The following EPB41L3 variants were observed in gnomAD, a reference collection of about 807,000 sequenced individuals.
EPB41L3 encodes the protein erythrocyte membrane protein band 4.1 like 3.
A neutral mutation model predicts 127.1 loss-of-function variants in EPB41L3; 57 were observed. The observed-to-expected ratio is 0.45, with a 90% CI of 0.36 to 0.56. The LOEUF is 0.56. Among genes scored for constraint, EPB41L3 ranks in the 20% least tolerant of loss-of-function variants. EPB41L3 has a pLI of 0.00. For missense variants in EPB41L3, 1,273 were observed against 1,372.2 expected, an observed-to-expected ratio of 0.93 and a Z score of 1.14; for synonymous variants, 572 against 549.5, an observed-to-expected ratio of 1.04 and a Z score of -0.57.
At chr18:5,524,417 A>G (rs1349896866) in intron 1 of EPB41L3, among the ~76,000 whole-genome samples, 1 of 151,888 alleles carries the variant, frequency 6.6e-6, no homozygotes, top group African/African-American at 2.4e-5. Context: ...CTGGTCTCGA[A>G]CTCCTGACCT....
chr18:5,544,970 A>T (rs2093851329), upstream of EPB41L3, among the ~76,000 whole-genome samples: 1 of 152,154 alleles, frequency 6.6e-6, no homozygotes, highest in South Asian at 2.1e-4. Context: ...AATTTTTAAA[A>T]TAAATTGTAT....
At chr18:5,412,319 T>C (rs986544068) in intron 13 of EPB41L3, among the ~76,000 whole-genome samples, 1 of 152,004 alleles carries the variant, frequency 6.6e-6, no homozygotes, top group African/African-American at 2.4e-5. Flanking sequence ...CACCTCAGCC[T>C]CCCTAGTGGG....
intron 14 of EPB41L3, among the ~76,000 whole-genome samples, chr18:5,408,386 G>T (rs2144098793): frequency 6.7e-6 from 1 of 149,080 alleles, no homozygotes; most frequent in African/African-American, 2.5e-5. Context: ...CAATTCTCCT[G>T]CCTCAGCCTC....
intron 1 of EPB41L3, among the ~76,000 whole-genome samples, chr18:5,529,777 G>A (rs2093350947): frequency 6.6e-6 from 1 of 151,956 alleles, no homozygotes; most frequent in Non-Finnish European, 1.5e-5. Context: ...CTTCCTATCT[G>A]GAGGATTCTG....
intron 3 of EPB41L3, among the ~76,000 whole-genome samples, chr18:5,581,602 T>C (rs2094394248): frequency 1.3e-5 from 2 of 152,170 alleles, no homozygotes; most frequent in Non-Finnish European, 1.5e-5. Context: ...GGGGAAAAGG[T>C]GAATGTGAGC....
rs115603406 is a variant in EPB41L3 at position 5,538,995 on chromosome 18, A to T, written c.-12+4918T>A. Among the ~76,000 whole-genome samples, 165 of 115,192 alleles carry T rather than the reference A, an allele frequency of 1.4e-3. 5 individuals carry two copies. In the Middle Eastern group the frequency reaches 0.016, roughly 11 times the overall value. The allele number at this position is 115,192 out of a possible 152,430, so 75.6% of individuals were successfully genotyped here. On this transcript the variant is annotated intron_variant, in intron 1 of 22. Transcript: ENST00000341928. ...CAGTGCTTTTTAAGCTTTCTCCAAG[A>T]TTTTTTTTTTTTTTTTTTTTTTTGG...
intron 1 of EPB41L3, among the ~76,000 whole-genome samples, chr18:5,530,030 A>G (rs1287396279): frequency 6.6e-6 from 1 of 151,676 alleles, no homozygotes; most frequent in African/African-American, 2.4e-5. Flanking sequence ...CATGTCACTA[A>G]GTCTCAAAAT....
intron 3 of EPB41L3, among the ~76,000 whole-genome samples, chr18:5,588,855 T>TA (rs1380141234): frequency 2.0e-5 from 3 of 152,098 alleles, no homozygotes; most frequent in Non-Finnish European, 4.4e-5. Flanking sequence ...CTTGCATTAA[T>TA]AAATATGATG....
At chr18:5,434,166 T>C (rs2079397611) in intron 6 of EPB41L3, 45 bp from the exon 7 acceptor site, 3 of 1,540,552 alleles carry the variant, frequency 1.9e-6, no homozygotes, top group Admixed American at 1.7e-5. Context: ...AGCATGAGGA[T>C]ACAGGAAAAG....
At chr18:5,439,418 G>A (rs75591954) in intron 5 of EPB41L3, among the ~76,000 whole-genome samples, 3,201 of 152,192 alleles carry the variant, frequency 0.021, 112 homozygotes, top group East Asian at 0.17. Context: ...TCCTTTCTCT[G>A]AACTGTTCTC....
chr18:5,554,034 T>C (rs775676750), intron 3 of EPB41L3, among the ~76,000 whole-genome samples: 1 of 152,200 alleles, frequency 6.6e-6, no homozygotes, highest in Non-Finnish European at 1.5e-5. Context: ...CTCTAGGAAA[T>C]ACTAATGCTC....
chr18:5,428,310 T>C lies in EPB41L3; in HGVS notation c.1065+3A>G, dbSNP rs748398398. On this transcript the variant is annotated splice_donor_region_variant and intron_variant, in intron 9 of 22. Transcript: ENST00000341928. ...ACGCACAGGCAAATGTGGGTATACT[T>C]ACCTCTCCCGGCCGGATCTTAATGT... The C allele has an allele frequency of 6.2e-7, 1 of 1,614,140 alleles. No individual in the cohort carries two copies. The highest frequency in any genetic ancestry group is 2.2e-5 in the East Asian group (1 of 44,872).
chr18:5,549,041 A>T (rs1189104693), upstream of EPB41L3, among the ~76,000 whole-genome samples: 1 of 152,242 alleles, frequency 6.6e-6, no homozygotes. Context: ...AAAAATTAAC[A>T]GAGGAAGAAA....
At chr18:5,609,400 C>A (rs984312198) in intron 3 of EPB41L3, among the ~76,000 whole-genome samples, 2 of 152,172 alleles carry the variant, frequency 1.3e-5, no homozygotes, top group African/African-American at 4.8e-5. Flanking sequence ...TATTCAAAAT[C>A]TTCCTGCTGT....
chr18:5,423,678 T>G (rs771679197), intron 10 of EPB41L3, 125 bp from the exon 11 acceptor site: 71 of 835,618 alleles, frequency 8.5e-5, no homozygotes, highest in Non-Finnish European at 1.3e-4. Flanking sequence ...AACTTGCAGT[T>G]AAATAAATCT....
intron 2 of EPB41L3, among the ~76,000 whole-genome samples, chr18:5,483,658 A>T (rs1300757106): frequency 6.6e-6 from 1 of 152,138 alleles, no homozygotes; most frequent in Non-Finnish European, 1.5e-5. Context: ...AGAAGCCAAA[A>T]AAAGAGCAGA....
At position 5,433,985 on chromosome 18, in the gene EPB41L3, C is replaced by T. The variant is rs775082494; in HGVS notation, c.742G>A (p.Asp248Asn). Reference protein sequence around the residue: ...GDYDPDECGSDYISEFRFAPN... With the variant: ...GDYDPDECGSNYISEFRFAPN... ...GCAAAGCGGAACTCACTAATGTAAT[C>T]GCTCCCACATTCATCTGGGTCATAG... Residue 248 changes from aspartate to asparagine, a missense_variant, in exon 7 of 23, where the codon GAT becomes AAT. Around this residue, in one of 3 missense-constraint regions of EPB41L3, gnomAD observed 326 missense variants for 440.2 expected, o/e 0.74. Coordinates refer to ENST00000341928, the MANE Select transcript of EPB41L3 (RefSeq NM_012307.5). 8 of 1,614,140 alleles carry T rather than the reference C, an allele frequency of 5.0e-6. No homozygotes were observed. Among genetic ancestry groups the T allele is most frequent in the Non-Finnish European group, 6.8e-6 (8 of 1,180,042 alleles).
At chr18:5,433,863 A>T in intron 7 of EPB41L3, 40 bp downstream of exon 7, 2 of 1,606,378 alleles carry the variant, frequency 1.2e-6, no homozygotes, top group Non-Finnish European at 1.7e-6. Flanking sequence ...ACACTCTCCC[A>T]TCAAGGCACA....
At chr18:5,536,531 G>T (rs2093578250) in intron 1 of EPB41L3, among the ~76,000 whole-genome samples, 1 of 151,112 alleles carries the variant, frequency 6.6e-6, no homozygotes, top group Non-Finnish European at 1.5e-5. Context: ...GCCTGGTGCG[G>T]TGGCTCACAC....
Sources: allele counts gnomAD v4.1 joint callset (sites outside exome capture counted in the v4.1 genomes callset), GRCh38; gene constraint gnomAD v4.1.1; regional missense constraint gnomAD v4.1.1; transcripts MANE v1.5; gene names NCBI Gene and HGNC (gene_info 2026-07-23, HGNC 2026-07-21).